Variants in ADARB2 observed in about 807,000 individuals in gnomAD.
ADARB2 encodes inactive double-stranded RNA-specific editase B2.
ADARB2 carries 25 observed loss-of-function variants against 62.2 expected under a neutral mutation model. The observed-to-expected ratio is 0.40, with a 90% CI of 0.29 to 0.56. The LOEUF (loss-of-function observed/expected upper bound fraction) is 0.56. Ranked by LOEUF, ADARB2 falls within the 20% of genes least tolerant of loss-of-function variation. The probability of loss-of-function intolerance (pLI) is 0.43; values close to 1 mark genes in which losing one functional copy is unlikely to be tolerated. For synonymous variants in ADARB2, 572 were observed against 500.8 expected, an observed-to-expected ratio of 1.14 and a Z score of -1.90; for missense variants, 1,071 against 1,077.4, an observed-to-expected ratio of 0.99 and a Z score of 0.08.
intron 1 of ADARB2, among the ~76,000 whole-genome samples, chr10:1,401,537 G>T (rs1391952751): frequency 2.6e-5 from 4 of 152,162 alleles, no homozygotes; most frequent in African/African-American, 9.7e-5. Flanking sequence ...GTGCAGCCTT[G>T]GAATCCTCTG....
chr10:1,537,438 T>C (rs1226663185), intron 1 of ADARB2, among the ~76,000 whole-genome samples: 1 of 152,212 alleles, frequency 6.6e-6, no homozygotes, highest in African/African-American at 2.4e-5. Flanking sequence ...CAAATACCAT[T>C]TGGCCCAGCA....
At chr10:1,444,094 C>A (rs992247208) in intron 1 of ADARB2, among the ~76,000 whole-genome samples, 2 of 151,272 alleles carry the variant, frequency 1.3e-5, no homozygotes, top group African/African-American at 2.4e-5. Flanking sequence ...CCATCTACAT[C>A]CATTCTTCTA....
chr10:1,315,012 A>G (rs377612318), intron 3 of ADARB2, among the ~76,000 whole-genome samples: 11 of 152,270 alleles, frequency 7.2e-5, no homozygotes, highest in Middle Eastern at 3.4e-3. Context: ...CTTCTCACGG[A>G]GAGAAGCCGC....
At chr10:1,313,113 G>A (rs1831707108) in intron 3 of ADARB2, among the ~76,000 whole-genome samples, 1 of 152,202 alleles carries the variant, frequency 6.6e-6, no homozygotes, top group South Asian at 2.1e-4. Context: ...GGCCTGGTGA[G>A]AGCCAGGAAC....
At chr10:1,711,424 G>C (rs1468379030) in intron 1 of ADARB2, among the ~76,000 whole-genome samples, 1 of 152,084 alleles carries the variant, frequency 6.6e-6, no homozygotes, top group Non-Finnish European at 1.5e-5. Context: ...ATGGATCCTA[G>C]GAACACCACC....
intron 8 of ADARB2, among the ~76,000 whole-genome samples, chr10:1,199,221 C>T (rs565365647): frequency 7.2e-5 from 11 of 152,220 alleles, no homozygotes; most frequent in Admixed American, 4.6e-4. Context: ...CCCACCCCCC[C>T]GCTTCCCGCT....
chr10:1,641,083 A>G (rs2119057049), intron 1 of ADARB2, among the ~76,000 whole-genome samples: 1 of 152,368 alleles, frequency 6.6e-6, no homozygotes, highest in South Asian at 2.1e-4. Context: ...TAAATCTAAA[A>G]AACATTTTCA....
chr10:1,571,950 A>G (rs1335502654), intron 1 of ADARB2, among the ~76,000 whole-genome samples: 1 of 136,886 alleles, frequency 7.3e-6, no homozygotes, highest in Non-Finnish European at 1.5e-5. Flanking sequence ...CGGACAGGTG[A>G]GTAGGCAGGT....
chr10:1,382,595 A>T (rs1386609729), intron 1 of ADARB2, among the ~76,000 whole-genome samples: 1 of 152,230 alleles, frequency 6.6e-6, no homozygotes, highest in Non-Finnish European at 1.5e-5. Context: ...CTGTTAGTTC[A>T]ATACGAGTGG....
At chr10:1,663,512 C>T (rs1021251562) in intron 1 of ADARB2, among the ~76,000 whole-genome samples, 3 of 152,164 alleles carry the variant, frequency 2.0e-5, no homozygotes, top group Non-Finnish European at 4.4e-5. Flanking sequence ...CTTTTCAGAA[C>T]ATCATAGAGT....
At chr10:1,721,891 G>A (rs1010318758) in intron 1 of ADARB2, among the ~76,000 whole-genome samples, 4 of 152,128 alleles carry the variant, frequency 2.6e-5, no homozygotes, top group African/African-American at 7.2e-5. Context: ...GAAGTTCAGC[G>A]GCATGAGAGC....
chr10:1,503,992 T>G lies in ADARB2; in HGVS notation c.101-124832A>C, dbSNP rs113368061. Among the ~76,000 whole-genome samples, 893 of 152,350 alleles carry G rather than the reference T, an allele frequency of 5.9e-3. 5 individuals carry two copies. Among genetic ancestry groups the G allele is most frequent in the Non-Finnish European group, 9.8e-3 (669 of 68,034 alleles). ...TGGCCCAATCTCAGGTATTTCTTGA[T>G]AGCAATGCAAGAATGGCTTAATACA... On this transcript the variant is annotated intron_variant, in intron 1 of 9. Transcript: ENST00000381312.
intron 4 of ADARB2, among the ~76,000 whole-genome samples, chr10:1,254,854 A>G (rs535693405): frequency 3.2e-4 from 49 of 152,358 alleles, no homozygotes; most frequent in African/African-American, 1.2e-3. Flanking sequence ...CTCTGTGGGC[A>G]TCCACAGATG....
At chr10:1,249,614 A>C (rs1316033266) in intron 4 of ADARB2, among the ~76,000 whole-genome samples, 1 of 146,378 alleles carries the variant, frequency 6.8e-6, no homozygotes, top group Non-Finnish European at 1.5e-5. Context: ...ATGTGATTTT[A>C]TGCACACACA....
intron 1 of ADARB2, among the ~76,000 whole-genome samples, chr10:1,720,514 A>G (rs1835077090): frequency 6.6e-6 from 1 of 152,258 alleles, no homozygotes; most frequent in African/African-American, 2.4e-5. Flanking sequence ...ATCTGAAATA[A>G]AAGTTGAGTA....
rs1832350082 is a variant in ADARB2, at chr10:1,369,661, T to TCC, written c.188-5745_188-5744insGG. 5.3e-5 allele frequency among the ~76,000 whole-genome samples: 8 copies of TCC among 152,084 alleles called. No homozygotes were observed. In the South Asian group the frequency reaches 1.7e-3, roughly 32 times the overall value. On this transcript the variant is annotated intron_variant, in intron 2 of 9. Transcript: ENST00000381312. ...CTGAAATATACACAATAAAATACAT[T>TCC]TTAAAAAGTCAGCCTGACTTAGGCT...
chr10:1,646,370 C>T (rs1834042313), intron 1 of ADARB2, among the ~76,000 whole-genome samples: 1 of 152,252 alleles, frequency 6.6e-6, no homozygotes, highest in African/African-American at 2.4e-5. Context: ...AGCCTGGGCT[C>T]TCTCTCTCTG....
intron 1 of ADARB2, among the ~76,000 whole-genome samples, chr10:1,561,839 C>T (rs1306006194): frequency 2.6e-5 from 4 of 152,232 alleles, no homozygotes; most frequent in Admixed American, 6.5e-5. Flanking sequence ...GCCGCTCCCT[C>T]GGCAGCCACT....
In ADARB2 at chr10:1,514,189, A is replaced by ATATATATATATG. The variant is rs1167149832; in HGVS notation, c.101-135030_101-135029insCATATATATATA. 1.5e-5 allele frequency among the ~76,000 whole-genome samples: 2 copies of ATATATATATATG among 133,966 alleles called. 1 individual carries two copies. Among genetic ancestry groups the ATATATATATATG allele is most frequent in the Non-Finnish European group, 3.2e-5 (2 of 61,956 alleles). 87.9% of individuals were successfully genotyped at this position (133,966 alleles called of 152,430 possible). On this transcript the variant is annotated intron_variant, in intron 1 of 9. Transcript: ENST00000381312. ...AGACGCTGTCTCAAAATATATATAT[A>ATATATATATATG]TATATATGTATATTATATAAAATAA...
Sources: allele counts gnomAD v4.1 joint callset (sites outside exome capture counted in the v4.1 genomes callset), GRCh38; gene constraint gnomAD v4.1.1; transcripts MANE v1.5; gene names NCBI Gene and HGNC (gene_info 2026-07-23, HGNC 2026-07-21).